Variants in ACTR1B observed in about 807,000 individuals in gnomAD.
ACTR1B encodes the protein actin related protein 1B, also known as beta-centractin.
A neutral mutation model predicts 49.4 loss-of-function variants in ACTR1B; 34 were observed. The observed-to-expected ratio is 0.69, with a 90% CI of 0.52 to 0.92. ACTR1B has a LOEUF of 0.92. Ranked by LOEUF, ACTR1B falls within the 40% of genes least tolerant of loss-of-function variation. The pLI is 0.00. For synonymous variants in ACTR1B, 207 were observed against 207.8 expected (o/e 1.00, Z 0.03); for missense variants, 471 against 522.4 (o/e 0.90, Z 0.96).
rs1292457484 is a variant in ACTR1B at position 97,657,889 on chromosome 2, G to A, written c.925+54C>T. 5 of 1,590,000 alleles carry A rather than the reference G, an allele frequency of 3.1e-6. No individual in the cohort carries two copies. The Middle Eastern group carries it at 5.0e-4, about 160-fold the overall frequency. ...TCTGGGTAGGGGTATACTCTCTGAG[G>A]GTCCAGCTGCCCTGGGCCTCGTCTC... On this transcript the variant is annotated intron_variant, in intron 8 of 10. Coordinates refer to ENST00000289228, the MANE Select transcript of ACTR1B (RefSeq NM_005735.4).
At position 97,663,995 on chromosome 2, in the gene ACTR1B, T is replaced by TGCCC. The variant is rs1022959222; in HGVS notation, c.-109_-106dup. The stretch of plus-strand genomic sequence containing the variant: ...GCGGCGGCTCCCGACGCGGCGCCGC[T>TGCCC]GCCCTCCCTCCCCGAGCCTGCAGCC... On this transcript the variant is annotated 5_prime_UTR_variant, in exon 1 of 11. Coordinates refer to ENST00000289228, the MANE Select transcript of ACTR1B (RefSeq NM_005735.4). 3.1e-6 allele frequency: 2 copies of TGCCC among 639,254 alleles called. No homozygotes were observed. Among genetic ancestry groups the TGCCC allele is most frequent in the African/African-American group, 2.0e-5 (1 of 50,708 alleles). The allele number at this position is 639,254 out of a possible 1,614,324, so 39.6% of individuals were successfully genotyped here.
Position 97,663,976 on chromosome 2 carries a change from G to A in ACTR1B, c.-86C>T. Reference sequence around the variant, plus strand: ...GGGCGGGAGGACCGGGACGGCGGCGGCTCCCGACGCGGCGCCGCTGCCCTC... The same window carrying A: ...GGGCGGGAGGACCGGGACGGCGGCGACTCCCGACGCGGCGCCGCTGCCCTC... On this transcript the variant is annotated 5_prime_UTR_variant, in exon 1 of 11. Coordinates refer to ENST00000289228, the MANE Select transcript of ACTR1B (RefSeq NM_005735.4). The A allele has an allele frequency of 1.2e-6, 1 of 859,574 alleles. No individual in the cohort carries two copies. The highest frequency in any genetic ancestry group is 1.5e-6 in the Non-Finnish European group (1 of 651,698). The allele number at this position is 859,574 out of a possible 1,614,324, so 53.2% of individuals were successfully genotyped here.
At position 97,657,994 on chromosome 2, in the gene ACTR1B, G is replaced by A. The variant is rs191369953; in HGVS notation, c.874C>T (p.Arg292Trp). ...AGCACGATGTTGGCGAACAGCGTCC[G>A]GCGCAGGTCCATGTCGGACTTGTGT... ...AIHKSDMDLR[R>W]TLFANIVLSG... The change falls in exon 8 of 11, where the codon CGG (arginine) becomes TGG (tryptophan). Residue 292 changes from arginine (R) to tryptophan (W), a missense_variant. Arg to Trp is a moderately radical substitution (Grantham distance 101). Coordinates refer to ENST00000289228, the MANE Select transcript of ACTR1B (RefSeq NM_005735.4). The A allele has an allele frequency of 6.8e-6, 11 of 1,614,190 alleles. No individual in the cohort carries two copies. Among genetic ancestry groups the A allele is most frequent in the Admixed American group, 1.7e-5 (1 of 60,034 alleles).
chr2:97,663,332 G>A (rs1675077225), intron 1 of ACTR1B, among the ~76,000 whole-genome samples: 1 of 152,230 alleles, frequency 6.6e-6, no homozygotes, highest in Non-Finnish European at 1.5e-5. Flanking sequence ...AGTCAAAGTA[G>A]CCAAAAGGCA....
chr2:97,660,631 C>G lies in ACTR1B; in HGVS notation c.129G>C (p.Lys43Asn). ...GGGCTCCAGCCATCACCCGCATGTG[C>G]TTCGGCCGCCCGACACTGTTAGGAC... ...YCFPNYVGRP[K>N]HMRVMAGALE... The change falls in exon 3 of 11, where the codon AAG becomes AAC. Residue 43 changes from lysine (K) to asparagine (N), a missense_variant. Lys to Asn is a moderately conservative substitution (Grantham distance 94, BLOSUM62 0). Transcript: ENST00000289228. The G allele has an allele frequency of 6.2e-7, 1 of 1,614,088 alleles. No homozygotes were observed. The highest frequency in any genetic ancestry group is 8.5e-7 in the Non-Finnish European group (1 of 1,180,008).
intron 8 of ACTR1B, 134 bp downstream of exon 8, chr2:97,657,809 G>T: frequency 1.9e-6 from 2 of 1,035,178 alleles, no homozygotes; most frequent in Non-Finnish European, 2.8e-6. Flanking sequence ...TTTAAATTTT[G>T]GTCTGTTAAA....
intron 3 of ACTR1B, among the ~76,000 whole-genome samples, chr2:97,660,117 A>C (rs977758332): frequency 1.3e-5 from 2 of 151,750 alleles, no homozygotes; most frequent in South Asian, 4.2e-4. Flanking sequence ...ACGCCCCGGC[A>C]CCCGACACAA....
In ACTR1B at chr2:97,660,664, G is replaced by A. The variant is rs73959765; in HGVS notation, c.114-18C>T. ...GCCCGACACTGTTAGGACGGATAAC[G>A]TCAGCAAGGTGGGCAGGGAGCATGG... is the stretch of plus-strand genomic sequence containing the variant. On this transcript the variant is annotated intron_variant, in intron 2 of 10. Transcript: ENST00000289228. 10,717 of 1,612,268 alleles carry A rather than the reference G, an allele frequency of 6.6e-3. 627 individuals carry two copies. The African/African-American group carries it at 0.12, about 19-fold the overall frequency.
chr2:97,662,505 T>C (rs1675045824), intron 1 of ACTR1B, among the ~76,000 whole-genome samples: 1 of 151,268 alleles, frequency 6.6e-6, no homozygotes, highest in East Asian at 1.9e-4. Flanking sequence ...AATGGGTGCA[T>C]GGGATGACCG....
In ACTR1B at chr2:97,658,178, AG is replaced by A. The variant is rs1674893567; in HGVS notation, c.750+45del. ...GGAGAAGCGGGCTACCCCTTCCCCC[AG>A]GCTGGGCATCGGCTGCCACTCCAGT... On this transcript the variant is annotated intron_variant, in intron 7 of 10. Transcript: ENST00000289228. This position sits in a 1 kb window ranked among gnomAD's most constrained non-coding sequence, Gnocchi z 5.9. The A allele has an allele frequency of 1.2e-6, 2 of 1,613,392 alleles. No individual in the cohort carries two copies. The highest frequency in any genetic ancestry group is 1.7e-6 in the Non-Finnish European group (2 of 1,179,822).
At chr2:97,657,816 TAA>T in intron 8 of ACTR1B, 125 bp downstream of exon 8, 3 of 1,212,654 alleles carry the variant, frequency 2.5e-6, no homozygotes, top group Non-Finnish European at 2.3e-6. Flanking sequence ...TTTGGTCTGT[TAA>T]AAAAAATGTT....
intron 3 of ACTR1B, 83 bp downstream of exon 3, chr2:97,660,488 A>C: frequency 7.1e-7 from 1 of 1,416,872 alleles, no homozygotes; most frequent in Non-Finnish European, 9.9e-7. Flanking sequence ...CCGGGAGGTC[A>C]CCAGCAGAGG....
Position 97,663,862 on chromosome 2 carries a change from TG to T in ACTR1B, c.28del (p.Gln10SerfsTer11). 1 of 1,392,202 alleles carries T rather than the reference TG, an allele frequency of 7.2e-7. No individual in the cohort carries two copies. Among genetic ancestry groups the T allele is most frequent in the Non-Finnish European group, 9.5e-7 (1 of 1,055,730 alleles). 86.2% of individuals were successfully genotyped at this position (1,392,202 alleles called of 1,614,324 possible). A position where few individuals can be genotyped will look rare whatever the true frequency, so the allele number is the denominator to read the frequency against. Reference sequence around the variant, plus strand: ...CCTCACGTTGTCGATGACCACAGGCTGGTTGGCGATGATGTCGTAGGACTCC... The same window carrying T: ...CCTCACGTTGTCGATGACCACAGGCTGTTGGCGATGATGTCGTAGGACTCC... MESYDIIAN[Q>X]PVVIDNGSGV... On this transcript the variant is annotated frameshift_variant, in exon 1 of 11. Transcript: ENST00000289228. LOFTEE classifies it high-confidence loss of function.
rs900748902 is a variant in ACTR1B at position 97,663,669 on chromosome 2, G to A, written c.48+174C>T. On this transcript the variant is annotated intron_variant, in intron 1 of 10. Transcript: ENST00000289228. ...GGCGAGGGGGCTCGCCCCATGGCCG[G>A]CCTTACAAGGCCAAGAGGGCGCGCG... 2.0e-5 allele frequency among the ~76,000 whole-genome samples: 3 copies of A among 151,994 alleles called. No individual in the cohort carries two copies. The South Asian group carries it at 6.2e-4, about 31-fold the overall frequency.
rs1280291935 is a variant in ACTR1B at position 97,657,033 on chromosome 2, G to A, written c.1029-73C>T. ...ACCACCTTCCTGGGTGCTCAGAGTTGCATTTCCCTAATTTGGGAGGGAAAT... is the reference window on the plus strand; with the variant it reads ...ACCACCTTCCTGGGTGCTCAGAGTTACATTTCCCTAATTTGGGAGGGAAAT... On this transcript the variant is annotated intron_variant, in intron 10 of 10. Coordinates refer to ENST00000289228, the MANE Select transcript of ACTR1B (RefSeq NM_005735.4). 1.9e-6 allele frequency: 3 copies of A among 1,574,664 alleles called. No homozygotes were observed. In the East Asian group the frequency reaches 6.8e-5, roughly 36 times the overall value.
chr2:97,663,809 G>A (rs1361111147), intron 1 of ACTR1B, 34 bp downstream of exon 1: 1 of 1,348,752 alleles, frequency 7.4e-7, no homozygotes. Flanking sequence ...CCGGGGGCGG[G>A]GCGCCCGCCC....
At position 97,664,000 on chromosome 2, in the gene ACTR1B, T is replaced by G; in HGVS notation, c.-110A>C. ...GGCTCCCGACGCGGCGCCGCTGCCC[T>G]CCCTCCCCGAGCCTGCAGCCTACGC... On this transcript the variant is annotated 5_prime_UTR_variant, in exon 1 of 11. Coordinates refer to ENST00000289228, the MANE Select transcript of ACTR1B (RefSeq NM_005735.4). 1 of 599,018 alleles carries G rather than the reference T, an allele frequency of 1.7e-6. No individual in the cohort carries two copies. The allele number at this position is 599,018 out of a possible 1,614,324, so 37.1% of individuals were successfully genotyped here.
chr2:97,663,954 C>A lies in ACTR1B; in HGVS notation c.-64G>T. On this transcript the variant is annotated 5_prime_UTR_variant, in exon 1 of 11. Transcript: ENST00000289228. Reference sequence around the variant, plus strand: ...AGGAGGCACCGGATGGGCGGGCGGGCGGGAGGACCGGGACGGCGGCGGCTC... The same window carrying A: ...AGGAGGCACCGGATGGGCGGGCGGGAGGGAGGACCGGGACGGCGGCGGCTC... 5.3e-6 allele frequency: 1 copy of A among 187,460 alleles called. No individual in the cohort carries two copies. 11.6% of individuals were successfully genotyped at this position (187,460 alleles called of 1,614,324 possible). A position where few individuals can be genotyped will look rare whatever the true frequency, so the allele number is the denominator to read the frequency against.
At position 97,659,828 on chromosome 2, in the gene ACTR1B, A is replaced by C; in HGVS notation, c.190-351T>G. On this transcript the variant is annotated intron_variant, in intron 3 of 10. Transcript: ENST00000289228. This position sits in a 1 kb window ranked among gnomAD's most constrained non-coding sequence, Gnocchi z 4.0. ...CAGCTCCCCTCTGGCCAGCGCCGGC[A>C]CCTTGCAGCCGCCCAACACGGCCCC... 1 of 339,518 alleles carries C rather than the reference A, an allele frequency of 2.9e-6. No homozygotes were observed. The highest frequency in any genetic ancestry group is 3.4e-5 in the South Asian group (1 of 29,398). 21.0% of individuals were successfully genotyped at this position (339,518 alleles called of 1,614,324 possible).
Sources: allele counts gnomAD v4.1 joint callset (sites outside exome capture counted in the v4.1 genomes callset), GRCh38; gene constraint gnomAD v4.1.1; non-coding constraint Gnocchi (gnomAD v3.1); transcripts MANE v1.5; gene names NCBI Gene and HGNC (gene_info 2026-07-23, HGNC 2026-07-21).